The following BMPR2 variants were observed in gnomAD, a reference collection of about 807,000 sequenced individuals.
The protein encoded by BMPR2 is bone morphogenetic protein receptor type 2.
A neutral mutation model predicts 100.8 loss-of-function variants in BMPR2; 29 were observed. The observed-to-expected ratio is 0.29, with a 90% CI of 0.21 to 0.39. The LOEUF is 0.39. BMPR2 is among the 10% of genes least tolerant of loss of function. The probability of loss-of-function intolerance (pLI) is 1.00; values close to 1 mark genes in which losing one functional copy is unlikely to be tolerated. For missense variants in BMPR2, 1,011 were observed against 1,274.5 expected (o/e 0.79, Z 3.15); for synonymous variants, 382 against 442.3 (o/e 0.86, Z 1.71).
chr2:202,484,851 C>T (rs1692739226), intron 3 of BMPR2, among the ~76,000 whole-genome samples: 1 of 150,906 alleles, frequency 6.6e-6, no homozygotes, highest in East Asian at 1.9e-4. Flanking sequence ...TGCCTGTAGT[C>T]CCAGCTACTC....
rs532672807 is a variant in BMPR2 at position 202,540,242 on chromosome 2, AAAT to A, written c.1277-2063_1277-2061del. Among the ~76,000 whole-genome samples, 395 of 152,294 alleles carry A rather than the reference AAAT, an allele frequency of 2.6e-3. 1 individual carries two copies. The highest frequency in any genetic ancestry group is 9.2e-3 in the African/African-American group (381 of 41,584). ...TCTACTAAACCAGCATTTGAAAAAA[AAAT>A]AATAAATAACACTTGGAAGGTATGT... is the stretch of plus-strand genomic sequence containing the variant. On this transcript the variant is annotated intron_variant, in intron 9 of 12. Coordinates refer to ENST00000374580, the MANE Select transcript of BMPR2 (RefSeq NM_001204.7).
At chr2:202,379,809 A>ACAAT (rs904118189) in intron 1 of BMPR2, among the ~76,000 whole-genome samples, 1 of 151,722 alleles carries the variant, frequency 6.6e-6, no homozygotes, top group African/African-American at 2.4e-5. Flanking sequence ...TCACTTATTG[A>ACAAT]GTTCTTGGAC....
intron 1 of BMPR2, among the ~76,000 whole-genome samples, chr2:202,415,898 C>T (rs1401400142): frequency 6.6e-6 from 1 of 152,152 alleles, no homozygotes; most frequent in African/African-American, 2.4e-5. Context: ...GCCTATGGAT[C>T]CAGGAGTAAT....
At chr2:202,398,634 C>T (rs977844445) in intron 1 of BMPR2, among the ~76,000 whole-genome samples, 1 of 152,170 alleles carries the variant, frequency 6.6e-6, no homozygotes, top group Non-Finnish European at 1.5e-5. Flanking sequence ...TGTGGTTTTC[C>T]CATGTCTACT....
chr2:202,412,437 G>T (rs990881360), intron 1 of BMPR2, among the ~76,000 whole-genome samples: 10 of 152,080 alleles, frequency 6.6e-5, no homozygotes, highest in Non-Finnish European at 1.3e-4. Flanking sequence ...TCCTGCCTCA[G>T]CCTCCCGAGT....
intron 1 of BMPR2, among the ~76,000 whole-genome samples, chr2:202,430,165 T>C (rs1321017592): frequency 2.6e-5 from 4 of 152,092 alleles, no homozygotes; most frequent in Admixed American, 2.0e-4. Flanking sequence ...TGCATTTGGA[T>C]TAGGACCCCA....
At chr2:202,496,489 A>G (rs1001560621) in intron 3 of BMPR2, among the ~76,000 whole-genome samples, 3 of 149,174 alleles carry the variant, frequency 2.0e-5, no homozygotes, top group African/African-American at 7.5e-5. Flanking sequence ...AAACAAAAAC[A>G]AAAAAAAATC....
chr2:202,547,133 T>C (rs776245110), intron 10 of BMPR2, among the ~76,000 whole-genome samples: 6 of 152,330 alleles, frequency 3.9e-5, no homozygotes, highest in Non-Finnish European at 8.8e-5. Context: ...TAAAAAATTA[T>C]AGGCCACGTT....
Position 202,563,702 on chromosome 2 carries a change from G to A in BMPR2, c.*3756G>A, listed in dbSNP as rs538830912. On this transcript the variant is annotated 3_prime_UTR_variant, in exon 13 of 13. Transcript: ENST00000374580. ...TGGTAAAGTAAATTTTACGGAAAAAGTTAAGATAGCTTTGGGAACAGAGAC... is the reference window on the plus strand; with the variant it reads ...TGGTAAAGTAAATTTTACGGAAAAAATTAAGATAGCTTTGGGAACAGAGAC... 136 of 152,262 alleles carry A rather than the reference G, an allele frequency of 8.9e-4. 1 individual carries two copies. Among genetic ancestry groups the A allele is most frequent in the African/African-American group, 3.1e-3 (128 of 41,544 alleles). 9.4% of individuals were successfully genotyped at this position (152,262 alleles called of 1,614,324 possible). A position where few individuals can be genotyped will look rare whatever the true frequency, so the allele number is the denominator to read the frequency against.
intron 1 of BMPR2, among the ~76,000 whole-genome samples, chr2:202,456,386 G>T (rs1288025238): frequency 6.6e-6 from 1 of 151,518 alleles, no homozygotes; most frequent in Non-Finnish European, 1.5e-5. Flanking sequence ...CACCATGTTG[G>T]TCAGGCTGGT....
intron 10 of BMPR2, among the ~76,000 whole-genome samples, chr2:202,551,957 C>G (rs1181802077): frequency 6.6e-6 from 1 of 150,702 alleles, no homozygotes; most frequent in East Asian, 2.0e-4. Flanking sequence ...ATGGTTCAAG[C>G]GATTCTTCTG....
At chr2:202,557,628 T>C (rs1425514279) in intron 12 of BMPR2, among the ~76,000 whole-genome samples, 1 of 151,928 alleles carries the variant, frequency 6.6e-6, no homozygotes, top group East Asian at 1.9e-4. Context: ...GATTGCGCCA[T>C]TGTACTCCAG....
At chr2:202,442,577 TC>T (rs1691770655) in intron 1 of BMPR2, among the ~76,000 whole-genome samples, 1 of 150,534 alleles carries the variant, frequency 6.6e-6, no homozygotes, top group African/African-American at 2.5e-5. Flanking sequence ...AAAGTCTACA[TC>T]CACCAAACAC....
chr2:202,444,940 C>CTG (rs1251600918), intron 1 of BMPR2, among the ~76,000 whole-genome samples: 3 of 150,428 alleles, frequency 2.0e-5, no homozygotes, highest in Non-Finnish European at 4.4e-5. Context: ...AGGCATGCGC[C>CTG]ACCATGCCTG....
chr2:202,496,994 C>T (rs953758844), intron 3 of BMPR2, among the ~76,000 whole-genome samples: 1 of 152,252 alleles, frequency 6.6e-6, no homozygotes, highest in African/African-American at 2.4e-5. Context: ...TGGCGGGCCC[C>T]GCACTCGGAG....
intron 1 of BMPR2, among the ~76,000 whole-genome samples, chr2:202,386,233 A>T (rs964362863): frequency 3.3e-4 from 50 of 152,070 alleles, no homozygotes; most frequent in Non-Finnish European, 5.9e-5. Context: ...TCTATCTCAG[A>T]CTTCTTTCCT....
chr2:202,499,960 G>C (rs566605055), intron 3 of BMPR2, among the ~76,000 whole-genome samples: 1 of 152,158 alleles, frequency 6.6e-6, no homozygotes, highest in Non-Finnish European at 1.5e-5. Flanking sequence ...AAAAAAGATT[G>C]TCCAATGAGA....
At chr2:202,466,434 G>A (rs1380124868) in intron 2 of BMPR2, among the ~76,000 whole-genome samples, 5 of 151,798 alleles carry the variant, frequency 3.3e-5, no homozygotes, top group East Asian at 1.9e-4. Context: ...CTACAGGTGC[G>A]CACCACCACG....
chr2:202,478,174 G>A (rs567754618), intron 3 of BMPR2, among the ~76,000 whole-genome samples: 7 of 152,182 alleles, frequency 4.6e-5, no homozygotes, highest in South Asian at 4.2e-4. Context: ...TATGCTTTTT[G>A]TTGCTTTTGT....
Sources: gnomAD v4.1 joint callset for allele counts (sites outside exome capture counted in the v4.1 genomes callset) on GRCh38, gnomAD v4.1.1 for gene constraint, MANE v1.5 for transcripts, NCBI Gene and HGNC (gene_info 2026-07-23, HGNC 2026-07-21) for gene names.